The following ENPP7 variants were observed in gnomAD, a reference collection of about 807,000 sequenced individuals.
ENPP7 encodes ectonucleotide pyrophosphatase/phosphodiesterase 7.
Under a neutral mutation model 33.6 loss-of-function variants are expected in ENPP7, and 39 were observed. The ratio of observed to expected loss-of-function variants is 1.16; its 90% CI spans 0.90 to 1.52. The LOEUF is 1.52. Ranked by LOEUF, ENPP7 falls within the 40% of genes most tolerant of loss-of-function variation. The pLI is 0.00. For missense variants in ENPP7, 594 were observed against 641.0 expected, an observed-to-expected ratio of 0.93 and a Z score of 0.79; for synonymous variants, 244 against 274.3, an observed-to-expected ratio of 0.89 and a Z score of 1.09.
intron 3 of ENPP7, 120 bp from the exon 4 acceptor site, chr17:79,736,921 C>A: frequency 4.1e-6 from 3 of 735,882 alleles, no homozygotes; most frequent in Non-Finnish European, 6.9e-6. Context: ...AGTCTTGGAA[C>A]CCCTCCAGCC....
Position 79,731,050 on chromosome 17 carries a change from A to G in ENPP7, c.-90A>G, listed in dbSNP as rs1191338682. On this transcript the variant is annotated 5_prime_UTR_variant, in exon 1 of 6. It removes the in-frame stop codon of an upstream open reading frame in the 5' UTR. Transcript: ENST00000328313. Reference sequence around the variant, plus strand: ...CCACATTCCAAAGGCGCACGGGATGAGATCAGCCCGGGTGACCCTGGGACT... The same window carrying G: ...CCACATTCCAAAGGCGCACGGGATGGGATCAGCCCGGGTGACCCTGGGACT... The G allele has an allele frequency of 2.1e-6, 3 of 1,398,360 alleles. No homozygotes were observed. Among genetic ancestry groups the G allele is most frequent in the Non-Finnish European group, 2.9e-6 (3 of 1,050,206 alleles). 86.6% of individuals were successfully genotyped at this position (1,398,360 alleles called of 1,614,324 possible).
intron 1 of ENPP7, among the ~76,000 whole-genome samples, 168 bp from the exon 2 acceptor site, chr17:79,733,340 G>A (rs2094289652): frequency 1.3e-5 from 2 of 151,864 alleles, no homozygotes; most frequent in Non-Finnish European, 2.9e-5. Context: ...GCTCCCACGG[G>A]GCAGTGCAGG....
chr17:79,741,663 C>T (rs578188511), intron 5 of ENPP7, 131 bp from the exon 6 acceptor site: 1 of 163,686 alleles, frequency 6.1e-6, no homozygotes, highest in Non-Finnish European at 1.3e-5. Flanking sequence ...CTCCCCCAGC[C>T]CACCATCCTG....
chr17:79,740,095 G>T (rs2094302713), intron 5 of ENPP7, among the ~76,000 whole-genome samples: 1 of 152,168 alleles, frequency 6.6e-6, no homozygotes, highest in South Asian at 2.1e-4. Flanking sequence ...CTGGCAGGGA[G>T]ACTGAGGTGG....
At chr17:79,732,828 G>C (rs548642868) in intron 1 of ENPP7, among the ~76,000 whole-genome samples, 1 of 152,336 alleles carries the variant, frequency 6.6e-6, no homozygotes, top group Admixed American at 6.5e-5. Flanking sequence ...GCATGAATGT[G>C]GTGGGACACC....
intron 1 of ENPP7, among the ~76,000 whole-genome samples, chr17:79,733,149 G>A (rs1354274670): frequency 2.0e-5 from 3 of 152,156 alleles, no homozygotes; most frequent in African/African-American, 7.2e-5. Context: ...CCTTCCTGAC[G>A]GCCGTGGAGG....
intron 2 of ENPP7, among the ~76,000 whole-genome samples, chr17:79,734,769 C>T (rs1358382657): frequency 2.6e-5 from 4 of 152,180 alleles, no homozygotes; most frequent in South Asian, 2.1e-4. Flanking sequence ...TGACCCACTG[C>T]GCCCGGCCTC....
At position 79,742,035 on chromosome 17, in the gene ENPP7, C is replaced by A; in HGVS notation, c.*258C>A. On this transcript the variant is annotated 3_prime_UTR_variant, in exon 6 of 6. Coordinates refer to ENST00000328313, the MANE Select transcript of ENPP7 (RefSeq NM_178543.5). The stretch of plus-strand genomic sequence containing the variant: ...CCCTGCCCCTGCCCCTGCTCCTGCT[C>A]CTCCCCTTCGGGCCCCCTCCTCCTG... 1 of 740,878 alleles carries A rather than the reference C, an allele frequency of 1.3e-6. No homozygotes were observed. Among genetic ancestry groups the A allele is most frequent in the Non-Finnish European group, 1.7e-6 (1 of 604,702 alleles). The allele number at this position is 740,878 out of a possible 1,614,324, so 45.9% of individuals were successfully genotyped here. A position where few individuals can be genotyped will look rare whatever the true frequency, so the allele number is the denominator to read the frequency against.
rs952049835 is a variant in ENPP7 at position 79,735,478 on chromosome 17, G to T, written c.835G>T (p.Asp279Tyr). 1 of 1,613,990 alleles carries T rather than the reference G, an allele frequency of 6.2e-7. No individual in the cohort carries two copies. Among genetic ancestry groups the T allele is most frequent in the Non-Finnish European group, 8.5e-7 (1 of 1,180,048 alleles). ...CCGGGACATCGAGTTTGAGCTCCTG[G>T]ACTACGGACCAAACGGGATGCTGCT... ...TFRDIEFELL[D>Y]YGPNGMLLPK... Residue 279 changes from aspartate (D) to tyrosine (Y), a missense_variant, in exon 3 of 6, where the codon GAC becomes TAC. By Grantham distance (160) the Asp-to-Tyr change is radical. Around this residue, in one of 3 missense-constraint regions of ENPP7, gnomAD observed 504 missense variants for 512.8 expected, o/e 0.98. Transcript: ENST00000328313. This position sits in a 1 kb window ranked among gnomAD's most constrained non-coding sequence, Gnocchi z 5.5.
rs782023664 is a variant in ENPP7, at chr17:79,737,091, C to G, written c.1077C>G (p.Asp359Glu). The G allele has an allele frequency of 6.2e-7, 1 of 1,614,182 alleles. No homozygotes were observed. Among genetic ancestry groups the G allele is most frequent in the Non-Finnish European group, 8.5e-7 (1 of 1,180,032 alleles). Residue 359 changes from aspartate (D) to glutamate (E), a missense_variant, in exon 4 of 6, where the codon GAC becomes GAG. Asp to Glu is a conservative substitution (Grantham distance 45). Transcript: ENST00000328313. This position sits in a 1 kb window ranked among gnomAD's most constrained non-coding sequence, Gnocchi z 5.5. Reference sequence around the variant, plus strand: ...GGGAGCACGGCTTTGACAACAAGGACATGGACATGAAGACCATCTTCCGCG... The same window carrying G: ...GGGAGCACGGCTTTGACAACAAGGAGATGGACATGAAGACCATCTTCCGCG... ...NNGEHGFDNKDMDMKTIFRAV... is the reference protein window; with the variant it reads ...NNGEHGFDNKEMDMKTIFRAV...
At position 79,737,317 on chromosome 17, in the gene ENPP7, GAGGGTGCCTGCATGCCTGTGA is replaced by G; in HGVS notation, c.1246+58_1246+78del. On this transcript the variant is annotated intron_variant, in intron 4 of 5. Coordinates refer to ENST00000328313, the MANE Select transcript of ENPP7 (RefSeq NM_178543.5). The surrounding 1 kb of genome is among the most constrained non-coding windows in gnomAD (Gnocchi z 5.5). ...CTCTGGTGTGTACACGTGTGCACAC[GAGGGTGCCTGCATGCCTGTGA>G]CCAGGACACCCTTGAGCCCCAAGTG... The G allele has an allele frequency of 2.9e-6, 4 of 1,394,922 alleles. No individual in the cohort carries two copies. The South Asian group carries it at 4.9e-5, about 17-fold the overall frequency. 86.4% of individuals were successfully genotyped at this position (1,394,922 alleles called of 1,614,324 possible).
chr17:79,732,143 TATATATACAC>T (rs1197875504), intron 1 of ENPP7, among the ~76,000 whole-genome samples: 1 of 24,230 alleles, frequency 4.1e-5, no homozygotes, highest in African/African-American at 1.8e-4. Context: ...TATATATATA[TATATATACAC>T]ACACATATAT....
chr17:79,736,982 G>A (rs1568487406), intron 3 of ENPP7, 59 bp from the exon 4 acceptor site: 1 of 1,462,282 alleles, frequency 6.8e-7, no homozygotes, highest in Middle Eastern at 1.7e-4. Context: ...GGATAGGGTA[G>A]GCGGAGAGGG....
Position 79,735,475 on chromosome 17 carries a change from C to T in ENPP7, c.832C>T (p.Leu278=). Residue 278 remains leucine (L), a synonymous_variant, in exon 3 of 6, where the codon CTG becomes TTG. Transcript: ENST00000328313. The surrounding 1 kb of genome is among the most constrained non-coding windows in gnomAD (Gnocchi z 5.5). Reference sequence around the variant, plus strand: ...CTTCCGGGACATCGAGTTTGAGCTCCTGGACTACGGACCAAACGGGATGCT... The same window carrying T: ...CTTCCGGGACATCGAGTTTGAGCTCTTGGACTACGGACCAAACGGGATGCT... The part of the protein sequence containing the change: ...FTFRDIEFEL[L]DYGPNGMLLP... 1 of 1,614,126 alleles carries T rather than the reference C, an allele frequency of 6.2e-7. No homozygotes were observed. The highest frequency in any genetic ancestry group is 2.2e-5 in the East Asian group (1 of 44,884).
At chr17:79,734,905 C>A in intron 2 of ENPP7, 138 bp from the exon 3 acceptor site, 2 of 844,212 alleles carry the variant, frequency 2.4e-6, no homozygotes, top group Non-Finnish European at 3.6e-6. Context: ...AAATTAAAGG[C>A]CCCGCAGCTG....
At chr17:79,731,641 G>A (rs1555822530) in intron 1 of ENPP7, among the ~76,000 whole-genome samples, 1 of 152,224 alleles carries the variant, frequency 6.6e-6, no homozygotes, top group Non-Finnish European at 1.5e-5. Context: ...GGAGGGGAGT[G>A]TGGCGGGCTC....
chr17:79,733,473 C>T (rs2094289874), intron 1 of ENPP7, 35 bp from the exon 2 acceptor site: 1 of 1,603,578 alleles, frequency 6.2e-7, no homozygotes, highest in Non-Finnish European at 8.5e-7. Flanking sequence ...GACCCCGGTC[C>T]ATCCCGCCGC....
intron 3 of ENPP7, 85 bp from the exon 4 acceptor site, chr17:79,736,956 G>T (rs2094296940): frequency 1.8e-6 from 2 of 1,119,276 alleles, no homozygotes; most frequent in Non-Finnish European, 2.7e-6. Context: ...CCTTCCTAAG[G>T]GGGTGTTCAT....
rs1018846936 is a variant in ENPP7, at chr17:79,733,531, G to A, written c.277G>A (p.Val93Met). The A allele has an allele frequency of 5.6e-6, 9 of 1,613,356 alleles. No individual in the cohort carries two copies. The highest frequency in any genetic ancestry group is 7.6e-6 in the Non-Finnish European group (9 of 1,179,962). The change falls in exon 2 of 6, where the codon GTG (valine) becomes ATG (methionine). Residue 93 changes from valine (V) to methionine (M), a missense_variant. Physicochemically the swap from Val to Met is conservative, Grantham distance 21 (BLOSUM62 1). Around this residue, in one of 3 missense-constraint regions of ENPP7, gnomAD observed 504 missense variants for 512.8 expected, o/e 0.98. Transcript: ENST00000328313. ...VTGKYIENHG[V>M]VHNMYYNTTS... The stretch of plus-strand genomic sequence containing the variant: ...AGGCAAATATATCGAGAACCACGGG[G>A]TGGTTCACAACATGTACTACAACAC...
Sources: allele counts gnomAD v4.1 joint callset (sites outside exome capture counted in the v4.1 genomes callset), GRCh38; gene constraint gnomAD v4.1.1; regional missense constraint gnomAD v4.1.1; non-coding constraint Gnocchi (gnomAD v3.1); transcripts MANE v1.5; gene names NCBI Gene and HGNC (gene_info 2026-07-23, HGNC 2026-07-21).